The following UCK1 variants were observed in gnomAD, a reference collection of about 807,000 sequenced individuals.
UCK1 encodes the protein uridine-cytidine kinase 1.
UCK1 carries 20 observed loss-of-function variants against 34.0 expected under a neutral mutation model. That is an observed-to-expected ratio of 0.59 (90% CI 0.41 to 0.86). The LOEUF (loss-of-function observed/expected upper bound fraction) is 0.86. Ranked by LOEUF, UCK1 falls within the 40% of genes least tolerant of loss-of-function variation. The pLI, the probability that UCK1 is intolerant of heterozygous loss-of-function variation, is 0.00. For synonymous variants in UCK1, 168 were observed against 155.9 expected (o/e 1.08, Z -0.58); for missense variants, 343 against 383.6 (o/e 0.89, Z 0.88).
At chr9:131,526,201 G>C in intron 5 of UCK1, 1 of 664,812 alleles carries the variant, frequency 1.5e-6, no homozygotes, top group Non-Finnish European at 2.6e-6. Context: ...AAAAGAAAGT[G>C]CCTCTTCCAG....
At chr9:131,530,345 A>G (rs1950784168) in intron 2 of UCK1, 141 bp downstream of exon 2, 2 of 985,420 alleles carry the variant, frequency 2.0e-6, no homozygotes, top group Non-Finnish European at 3.1e-6. Flanking sequence ...TGTGCAGCCA[A>G]CTCCACTGCA....
Position 131,525,517 on chromosome 9 carries a change from T to A in UCK1, c.653-296A>T, listed in dbSNP as rs1950565526. Among the ~76,000 whole-genome samples, 4 of 152,214 alleles carry A rather than the reference T, an allele frequency of 2.6e-5. 1 individual carries two copies. The highest frequency in any genetic ancestry group is 2.6e-4 in the Admixed American group (4 of 15,284). On this transcript the variant is annotated intron_variant, in intron 6 of 6. Coordinates refer to ENST00000372215, the MANE Select transcript of UCK1 (RefSeq NM_031432.5). Reference sequence around the variant, plus strand: ...TTTAAGAAACAGGTTCTTACTTTACTGCCTAGGCTGGAGTGCAGTGGCCCA... The same window carrying A: ...TTTAAGAAACAGGTTCTTACTTTACAGCCTAGGCTGGAGTGCAGTGGCCCA...
chr9:131,531,115 G>T lies in UCK1; in HGVS notation c.60C>A (p.His20Gln), dbSNP rs1435022767. The change falls in exon 1 of 7, where the codon CAC becomes CAA. Residue 20 changes from histidine to glutamine, a missense_variant. Coordinates refer to ENST00000372215, the MANE Select transcript of UCK1 (RefSeq NM_031432.5). ...TCACCCCTATCAGGAAGGGCCGCTG[G>T]TGCGGACGGTCGGCCTCCGGCGCGG... ...ESPAPEADRP[H>Q]QRPFLIGVSG... is the part of the protein sequence containing the mutation. 2 of 1,451,602 alleles carry T rather than the reference G, an allele frequency of 1.4e-6. No homozygotes were observed. The highest frequency in any genetic ancestry group is 1.5e-5 in the African/African-American group (1 of 67,532). The allele number at this position is 1,451,602 out of a possible 1,614,324, so 89.9% of individuals were successfully genotyped here. A position where few individuals can be genotyped will look rare whatever the true frequency, so the allele number is the denominator to read the frequency against.
Position 131,525,022 on chromosome 9 carries a change from C to G in UCK1, c.*18G>C, listed in dbSNP as rs1416644308. On this transcript the variant is annotated 3_prime_UTR_variant, in exon 7 of 7. Transcript: ENST00000372215. Reference sequence around the variant, plus strand: ...ACACATGCCGGGCGGGAGACCTGCCCTGAGGCTCGGCAGCCCCTCAGTGGG... The same window carrying G: ...ACACATGCCGGGCGGGAGACCTGCCGTGAGGCTCGGCAGCCCCTCAGTGGG... 3.1e-6 allele frequency: 5 copies of G among 1,602,434 alleles called. No homozygotes were observed. The highest frequency in any genetic ancestry group is 2.6e-6 in the Non-Finnish European group (3 of 1,172,432).
At position 131,528,943 on chromosome 9, in the gene UCK1, C is replaced by T. The variant is rs766485202; in HGVS notation, c.603+1G>A. On this transcript the variant is annotated splice_donor_variant, in intron 5 of 6. Transcript: ENST00000372215. LOFTEE classifies it high-confidence loss of function. ...GGCTCTGAAGCAGCGAGCACAGGTACCGGCAGGCAGAACTCCTCGAAGGCC... is the reference window on the plus strand; with the variant it reads ...GGCTCTGAAGCAGCGAGCACAGGTATCGGCAGGCAGAACTCCTCGAAGGCC... 1 of 1,613,966 alleles carries T rather than the reference C, an allele frequency of 6.2e-7. No homozygotes were observed. Among genetic ancestry groups the T allele is most frequent in the Non-Finnish European group, 8.5e-7 (1 of 1,179,944 alleles).
intron 5 of UCK1, among the ~76,000 whole-genome samples, chr9:131,528,285 C>T (rs150846316): frequency 1.3e-4 from 20 of 152,308 alleles, no homozygotes; most frequent in African/African-American, 4.3e-4. Context: ...AAAATGTTCC[C>T]GTGCAAAACA....
chr9:131,530,733 C>A, intron 1 of UCK1, 88 bp from the exon 2 acceptor site: 1 of 1,611,966 alleles, frequency 6.2e-7, no homozygotes, highest in Non-Finnish European at 8.5e-7. Flanking sequence ...GACCCACCCG[C>A]CCCCTGGGGG....
chr9:131,530,899 CGCCCGCCCCA>C (rs1217909017), intron 1 of UCK1, among the ~76,000 whole-genome samples, 158 bp downstream of exon 1: 1 of 152,058 alleles, frequency 6.6e-6, no homozygotes, highest in Non-Finnish European at 1.5e-5. Flanking sequence ...CCCAACCCCT[CGCCCGCCCCA>C]GCCCGCCCCG....
Position 131,530,504 on chromosome 9 carries a change from A to T in UCK1, c.250T>A (p.Tyr84Asn), listed in dbSNP as rs771508588. The part of the protein sequence containing the change: ...EQKAKALKGQ[Y>N]NFDHPDAFDN... ...GATTTACCTGGATGGTCAAAATTGT[A>T]CTGTCCTTTCAAGGCCTTGGCCTTC... Residue 84 changes from tyrosine to asparagine, a missense_variant, in exon 2 of 7, where the codon TAC becomes AAC. Tyr to Asn is a moderately radical substitution (Grantham distance 143). Coordinates refer to ENST00000372215, the MANE Select transcript of UCK1 (RefSeq NM_031432.5). 15 of 1,614,102 alleles carry T rather than the reference A, an allele frequency of 9.3e-6. No homozygotes were observed. Among genetic ancestry groups the T allele is most frequent in the Non-Finnish European group, 1.1e-5 (13 of 1,180,034 alleles).
chr9:131,530,988 G>A (rs1440337896), intron 1 of UCK1, 79 bp downstream of exon 1: 1 of 1,249,852 alleles, frequency 8.0e-7, no homozygotes, highest in Non-Finnish European at 1.0e-6. Context: ...CCCTCGGCCG[G>A]GGCTGGGGTC....
Position 131,525,994 on chromosome 9 carries a change from G to A in UCK1, c.604-17C>T, listed in dbSNP as rs775742449. ...CTTCTTTGTCTGTAAGGCACAAGGG[G>A]GGGTGTTCCTGTGAGGACTTTTCCT... On this transcript the variant is annotated splice_polypyrimidine_tract_variant and intron_variant, in intron 5 of 6. Coordinates refer to ENST00000372215, the MANE Select transcript of UCK1 (RefSeq NM_031432.5). The A allele has an allele frequency of 1.9e-6, 3 of 1,613,844 alleles. No homozygotes were observed. Among genetic ancestry groups the A allele is most frequent in the East Asian group, 2.2e-5 (1 of 44,880 alleles).
Position 131,524,864 on chromosome 9 carries a change from G to GC in UCK1, c.*175dup. 1.4e-6 allele frequency: 1 copy of GC among 717,660 alleles called. No homozygotes were observed. The highest frequency in any genetic ancestry group is 2.2e-5 in the South Asian group (1 of 45,936). 44.5% of individuals were successfully genotyped at this position (717,660 alleles called of 1,614,324 possible). ...CTCAGGAACGCCTGTCAGTGTCCCA[G>GC]CAAGTTGAGTCTGAGTGACACATCT... On this transcript the variant is annotated 3_prime_UTR_variant, in exon 7 of 7. Coordinates refer to ENST00000372215, the MANE Select transcript of UCK1 (RefSeq NM_031432.5).
At chr9:131,525,714 C>G (rs1950576907) in intron 6 of UCK1, among the ~76,000 whole-genome samples, 1 of 152,172 alleles carries the variant, frequency 6.6e-6, no homozygotes, top group African/African-American at 2.4e-5. Context: ...CTCCAGTGAT[C>G]CCCCTGCCTC....
intron 6 of UCK1, 139 bp from the exon 7 acceptor site, chr9:131,525,360 A>G (rs1385216079): frequency 5.1e-6 from 5 of 984,412 alleles, no homozygotes; most frequent in Middle Eastern, 6.2e-4. Context: ...CATCGAGTCA[A>G]ATCTCAGCAG....
rs1950703370 is a variant in UCK1, at chr9:131,528,645, G to C, written c.603+299C>G. ...GAAGCAGGCAGAGAGGCTGGCGCTG[G>C]GTGCAGAGGGTTTTCAGTGTTGAAT... On this transcript the variant is annotated intron_variant, in intron 5 of 6. Coordinates refer to ENST00000372215, the MANE Select transcript of UCK1 (RefSeq NM_031432.5). 1.4e-5 allele frequency: 6 copies of C among 435,588 alleles called. No individual in the cohort carries two copies. The South Asian group carries it at 1.6e-4, about 12-fold the overall frequency. 27.0% of individuals were successfully genotyped at this position (435,588 alleles called of 1,614,324 possible). A position where few individuals can be genotyped will look rare whatever the true frequency, so the allele number is the denominator to read the frequency against.
At position 131,531,129 on chromosome 9, in the gene UCK1, C is replaced by T. The variant is rs1349297389; in HGVS notation, c.46G>A (p.Ala16Thr). ...AAGGGCCGCTGGTGCGGACGGTCGG[C>T]CTCCGGCGCGGGGCTCTCGCAGTCT... is the stretch of plus-strand genomic sequence containing the variant. ...GEDCESPAPE[A>T]DRPHQRPFLI... The change falls in exon 1 of 7, where the codon GCC (alanine) becomes ACC (threonine). Residue 16 changes from alanine to threonine, a missense_variant. Physicochemically the swap from Ala to Thr is moderately conservative, Grantham distance 58. Transcript: ENST00000372215. The T allele has an allele frequency of 2.1e-6, 3 of 1,451,012 alleles. No homozygotes were observed. The highest frequency in any genetic ancestry group is 2.7e-6 in the Non-Finnish European group (3 of 1,105,568). The allele number at this position is 1,451,012 out of a possible 1,614,324, so 89.9% of individuals were successfully genotyped here.
intron 6 of UCK1, 122 bp from the exon 7 acceptor site, chr9:131,525,343 C>G: frequency 8.8e-7 from 1 of 1,141,898 alleles, no homozygotes. Flanking sequence ...CAGCCTGCGG[C>G]GAGGGGCATC....
At chr9:131,526,897 C>A (rs909610058) in intron 5 of UCK1, among the ~76,000 whole-genome samples, 2 of 152,166 alleles carry the variant, frequency 1.3e-5, no homozygotes, top group African/African-American at 2.4e-5. Flanking sequence ...GGAGAGCTGA[C>A]AGGGGTCTTA....
chr9:131,529,133 C>G lies in UCK1; in HGVS notation c.503G>C (p.Arg168Pro). Reference protein sequence around the residue: ...VDTDSDVRLSRRVLRDVRRGR... With the variant: ...VDTDSDVRLSPRVLRDVRRGR... The stretch of plus-strand genomic sequence containing the variant: ...GAGGCCCGCGGCCGCCTTACCTCTT[C>G]GAGACAGCCTGACGTCGGAGTCGGT... The change falls in exon 4 of 7, where the codon CGA (arginine) becomes CCA (proline). Residue 168 changes from arginine (R) to proline (P), a missense_variant. Coordinates refer to ENST00000372215, the MANE Select transcript of UCK1 (RefSeq NM_031432.5). The G allele has an allele frequency of 6.2e-7, 1 of 1,613,732 alleles. No homozygotes were observed. Among genetic ancestry groups the G allele is most frequent in the Non-Finnish European group, 8.5e-7 (1 of 1,179,860 alleles).
Sources: allele counts gnomAD v4.1 joint callset (sites outside exome capture counted in the v4.1 genomes callset), GRCh38; gene constraint gnomAD v4.1.1; transcripts MANE v1.5; gene names NCBI Gene and HGNC (gene_info 2026-07-23, HGNC 2026-07-21).